ATP13A4: variants seen among roughly 807,000 people sequenced by gnomAD.
ATP13A4 encodes the protein probable cation-transporting ATPase 13A4.
In ATP13A4, 114 loss-of-function variants were observed where a neutral mutation model predicts 142.5. That is an observed-to-expected ratio of 0.80 (90% CI 0.69 to 0.93). The LOEUF is 0.93. Among genes scored for constraint, ATP13A4 ranks in the 40% least tolerant of loss-of-function variants. The pLI is 0.00. For missense variants in ATP13A4, 1,392 were observed against 1,454.0 expected (o/e 0.96, Z 0.69); for synonymous variants, 488 against 514.8 (o/e 0.95, Z 0.70).
chr3:193,503,447 A>G (rs1173468798), intron 2 of ATP13A4, among the ~76,000 whole-genome samples: 1 of 152,236 alleles, frequency 6.6e-6, no homozygotes, highest in African/African-American at 2.4e-5. Flanking sequence ...TATTGTCTGA[A>G]TAGGGAAATA....
chr3:193,512,405 T>A (rs954674182), intron 2 of ATP13A4, among the ~76,000 whole-genome samples: 1 of 152,122 alleles, frequency 6.6e-6, no homozygotes, highest in Non-Finnish European at 1.5e-5. Context: ...CTTTACTAAA[T>A]CTGGATTCTT....
chr3:193,452,679 C>A lies in ATP13A4; in HGVS notation c.2027+1422G>T, dbSNP rs538197302. Among the ~76,000 whole-genome samples, 6 of 146,686 alleles carry A rather than the reference C, an allele frequency of 4.1e-5. No individual in the cohort carries two copies. In the South Asian group the frequency reaches 1.3e-3, roughly 32 times the overall value. The stretch of plus-strand genomic sequence containing the variant: ...TCTTTTGAATATCCTACTGGACATT[C>A]ATGAACACTGAAAAAAGTTATTATA... On this transcript the variant is annotated intron_variant, in intron 17 of 29. Coordinates refer to ENST00000342695, the MANE Select transcript of ATP13A4 (RefSeq NM_032279.4).
At chr3:193,468,698 G>A (rs529078017) in intron 9 of ATP13A4, among the ~76,000 whole-genome samples, 5 of 152,182 alleles carry the variant, frequency 3.3e-5, no homozygotes, top group Admixed American at 1.3e-4. Flanking sequence ...AGTGAGCAGA[G>A]ATCACACCAC....
At chr3:193,580,068 A>G (rs1320494159) in intron 2 of ATP13A4, among the ~76,000 whole-genome samples, 1 of 152,154 alleles carries the variant, frequency 6.6e-6, no homozygotes, top group African/African-American at 2.4e-5. Context: ...GGTAAACTGG[A>G]TATGTTAAAG....
chr3:193,449,803 C>G (rs1158819487), intron 17 of ATP13A4, among the ~76,000 whole-genome samples: 1 of 152,186 alleles, frequency 6.6e-6, no homozygotes, highest in African/African-American at 2.4e-5. Flanking sequence ...CCACGTCCCC[C>G]ACAAAGGCTC....
chr3:193,533,258 C>T (rs924216151), intron 1 of ATP13A4, among the ~76,000 whole-genome samples: 11 of 152,146 alleles, frequency 7.2e-5, no homozygotes, highest in Admixed American at 1.3e-4. Context: ...AAGATTTCCA[C>T]CTCTGGAAAC....
At chr3:193,573,316 T>TAC (rs1213363858) in intron 2 of ATP13A4, among the ~76,000 whole-genome samples, 1 of 141,512 alleles carries the variant, frequency 7.1e-6, no homozygotes, top group African/African-American at 2.7e-5. Context: ...TACATATATA[T>TAC]ATATATATAT....
intron 8 of ATP13A4, among the ~76,000 whole-genome samples, chr3:193,472,250 C>T (rs936872564): frequency 1.3e-5 from 2 of 152,210 alleles, no homozygotes; most frequent in Admixed American, 1.3e-4. Context: ...TCCAACTGTG[C>T]ACCATTCTGA....
chr3:193,496,821 A>AATAT (rs1200308454), intron 3 of ATP13A4, among the ~76,000 whole-genome samples: 1 of 150,960 alleles, frequency 6.6e-6, no homozygotes, highest in Non-Finnish European at 1.5e-5. Flanking sequence ...TAAATAAATA[A>AATAT]ATAAATAAAT....
intron 2 of ATP13A4, among the ~76,000 whole-genome samples, chr3:193,564,158 T>G (rs1184492238): frequency 2.0e-5 from 3 of 152,224 alleles, no homozygotes; most frequent in African/African-American, 2.4e-5. Context: ...CCAGAGGCCT[T>G]GCCACCCTGG....
At chr3:193,523,075 C>T (rs1421844262) in intron 1 of ATP13A4, among the ~76,000 whole-genome samples, 3 of 151,912 alleles carry the variant, frequency 2.0e-5, no homozygotes, top group East Asian at 1.9e-4. Flanking sequence ...GGTCGAGGCA[C>T]GCGGATCACC....
chr3:193,457,164 GA>G lies in ATP13A4; in HGVS notation c.1762-12del. On this transcript the variant is annotated splice_polypyrimidine_tract_variant and intron_variant, in intron 15 of 29. Transcript: ENST00000342695. ...TCCTTCCACTGGGACCTGGTTGAGGGATGGGGAAAGGAGAGGAACATGCTGA... is the reference window on the plus strand; with the variant it reads ...TCCTTCCACTGGGACCTGGTTGAGGGTGGGGAAAGGAGAGGAACATGCTGA... 6.2e-7 allele frequency: 1 copy of G among 1,612,774 alleles called. No homozygotes were observed. The highest frequency in any genetic ancestry group is 8.5e-7 in the Non-Finnish European group (1 of 1,179,994).
chr3:193,479,169 T>C (rs143690200), intron 8 of ATP13A4, among the ~76,000 whole-genome samples: 1,977 of 152,220 alleles, frequency 0.013, 23 homozygotes, highest in Non-Finnish European at 0.02. Flanking sequence ...TTATACTGAA[T>C]GGGGAAAAGT....
intron 2 of ATP13A4, among the ~76,000 whole-genome samples, chr3:193,581,095 T>C (rs115982082): frequency 0.021 from 3,143 of 152,304 alleles, 124 homozygotes; most frequent in African/African-American, 0.073. Flanking sequence ...GGTTGTATTT[T>C]CCGATACATT....
chr3:193,512,260 G>C (rs565284801), intron 2 of ATP13A4, among the ~76,000 whole-genome samples: 123 of 152,224 alleles, frequency 8.1e-4, no homozygotes, highest in African/African-American at 2.8e-3. Context: ...TCGCGTGGAG[G>C]GGTTGATCTA....
chr3:193,511,983 C>T (rs937256705), intron 2 of ATP13A4, among the ~76,000 whole-genome samples: 2 of 151,914 alleles, frequency 1.3e-5, no homozygotes, highest in Admixed American at 1.3e-4. Flanking sequence ...ATTTTCCTCC[C>T]TTCCTTTTCC....
intron 1 of ATP13A4, among the ~76,000 whole-genome samples, chr3:193,589,469 C>A (rs1445711911): frequency 6.6e-6 from 1 of 152,222 alleles, no homozygotes; most frequent in Admixed American, 6.5e-5. Flanking sequence ...CTTATGAAAT[C>A]AATTTTAAAC....
At chr3:193,453,782 T>C (rs1717418313) in intron 17 of ATP13A4, among the ~76,000 whole-genome samples, 1 of 152,250 alleles carries the variant, frequency 6.6e-6, no homozygotes, top group Admixed American at 6.5e-5. Context: ...TTTCAAATTC[T>C]GAAACGCTGA....
chr3:193,519,187 C>A (rs1166218588), intron 1 of ATP13A4, among the ~76,000 whole-genome samples: 1 of 152,160 alleles, frequency 6.6e-6, no homozygotes, highest in Non-Finnish European at 1.5e-5. Flanking sequence ...ATCTTCAGCA[C>A]CCAAAGAACT....
Sources: gnomAD v4.1 joint callset for allele counts (sites outside exome capture counted in the v4.1 genomes callset) on GRCh38, gnomAD v4.1.1 for gene constraint, MANE v1.5 for transcripts, NCBI Gene and HGNC (gene_info 2026-07-23, HGNC 2026-07-21) for gene names.